ANTXR2: variants seen among roughly 807,000 people sequenced by gnomAD.
ANTXR2 encodes ANTXR cell adhesion molecule 2, also known as anthrax toxin receptor 2.
A neutral mutation model predicts 73.7 loss-of-function variants in ANTXR2; 44 were observed. The ratio of observed to expected loss-of-function variants is 0.60; its 90% CI spans 0.47 to 0.77. ANTXR2 has a LOEUF of 0.77. Among genes scored for constraint, ANTXR2 ranks in the 30% least tolerant of loss-of-function variants. The probability of loss-of-function intolerance (pLI) is 0.00; values close to 1 mark genes in which losing one functional copy is unlikely to be tolerated. For missense variants in ANTXR2, 604 were observed against 592.5 expected, an observed-to-expected ratio of 1.02 and a Z score of -0.20; for synonymous variants, 217 against 205.9, an observed-to-expected ratio of 1.05 and a Z score of -0.46.
chr4:80,058,082 G>A (rs1023586084), intron 3 of ANTXR2, among the ~76,000 whole-genome samples: 3 of 152,040 alleles, frequency 2.0e-5, no homozygotes, highest in African/African-American at 7.2e-5. Context: ...GAGCATTAGT[G>A]TTTGCTGCCA....
At chr4:79,922,613 T>G (rs1727633302) in intron 16 of ANTXR2, among the ~76,000 whole-genome samples, 1 of 152,088 alleles carries the variant, frequency 6.6e-6, no homozygotes, top group Non-Finnish European at 1.5e-5. Flanking sequence ...AAAACTAATA[T>G]GTATTAAGTT....
rs1726871979 is a variant in ANTXR2 at position 79,905,630 on chromosome 4, G to A, written c.*1799C>T. The A allele has an allele frequency of 6.6e-6, 1 of 152,176 alleles. No individual in the cohort carries two copies. Among genetic ancestry groups the A allele is most frequent in the East Asian group, 1.9e-4 (1 of 5,196 alleles). The allele number at this position is 152,176 out of a possible 1,614,324, so 9.4% of individuals were successfully genotyped here. On this transcript the variant is annotated 3_prime_UTR_variant, in exon 17 of 17. Transcript: ENST00000403729. Reference sequence around the variant, plus strand: ...ACATGACTTTGGATCCAGCCAGCCAGTGACATAAATAAACTTGAGCAAAAG... The same window carrying A: ...ACATGACTTTGGATCCAGCCAGCCAATGACATAAATAAACTTGAGCAAAAG...
At chr4:80,035,553 C>A (rs528030110) in intron 8 of ANTXR2, among the ~76,000 whole-genome samples, 1 of 152,114 alleles carries the variant, frequency 6.6e-6, no homozygotes, top group Non-Finnish European at 1.5e-5. Flanking sequence ...TCCTGCAATC[C>A]GTCCATAAGT....
chr4:80,012,030 C>T (rs1731609425), intron 11 of ANTXR2, among the ~76,000 whole-genome samples: 1 of 152,212 alleles, frequency 6.6e-6, no homozygotes, highest in Non-Finnish European at 1.5e-5. Context: ...GCCCTTGCAA[C>T]ATAACTATGG....
chr4:80,007,137 T>C (rs1731340891), intron 12 of ANTXR2, among the ~76,000 whole-genome samples: 1 of 152,124 alleles, frequency 6.6e-6, no homozygotes, highest in South Asian at 2.1e-4. Flanking sequence ...AGATAAAGGA[T>C]TGTCAAGTTG....
At chr4:80,034,565 T>C (rs1448993445) in intron 8 of ANTXR2, among the ~76,000 whole-genome samples, 2 of 152,140 alleles carry the variant, frequency 1.3e-5, no homozygotes, top group African/African-American at 4.8e-5. Context: ...CTGTGGAAAG[T>C]CCCTAGTTAT....
rs376862135 is a variant in ANTXR2 at position 80,033,435 on chromosome 4, A to G, written c.796+37T>C. 1.6e-5 allele frequency: 24 copies of G among 1,476,100 alleles called. No individual in the cohort carries two copies. The South Asian group carries it at 2.5e-4, about 16-fold the overall frequency. 91.4% of individuals were successfully genotyped at this position (1,476,100 alleles called of 1,614,324 possible). On this transcript the variant is annotated intron_variant, in intron 9 of 16. Coordinates refer to ENST00000403729, the MANE Select transcript of ANTXR2 (RefSeq NM_058172.6). ...AACATTTGATGCTGATGTGCTTTGC[A>G]GAGATTAAGACAACACTGAGATTAC...
At chr4:80,021,257 A>G (rs1018845923) in intron 10 of ANTXR2, among the ~76,000 whole-genome samples, 9 of 152,132 alleles carry the variant, frequency 5.9e-5, no homozygotes, top group Admixed American at 3.9e-4. Flanking sequence ...TCCAACACAG[A>G]AGGCCAAGTG....
intron 10 of ANTXR2, among the ~76,000 whole-genome samples, chr4:80,025,996 C>T (rs1732417890): frequency 6.6e-6 from 1 of 152,084 alleles, no homozygotes; most frequent in Admixed American, 6.6e-5. Flanking sequence ...TTTTTAATAA[C>T]ATTCTAAAAA....
At chr4:79,977,832 G>A in intron 15 of ANTXR2, 131 bp from the exon 16 acceptor site, 2 of 1,238,348 alleles carry the variant, frequency 1.6e-6, no homozygotes, top group South Asian at 1.5e-5. Flanking sequence ...AAACTAATAA[G>A]TAATAAAAAC....
chr4:79,986,383 C>T (rs1328663193), intron 12 of ANTXR2, among the ~76,000 whole-genome samples: 1 of 152,006 alleles, frequency 6.6e-6, no homozygotes, highest in Non-Finnish European at 1.5e-5. Flanking sequence ...CCACTTTTAC[C>T]TCATCAAAGA....
At chr4:79,931,841 TAA>T (rs1728070392) in intron 16 of ANTXR2, among the ~76,000 whole-genome samples, 1 of 152,250 alleles carries the variant, frequency 6.6e-6, no homozygotes, top group Non-Finnish European at 1.5e-5. Context: ...GTGGATAATT[TAA>T]TTTGTGCAAC....
chr4:79,929,387 C>T (rs972461785), intron 16 of ANTXR2, among the ~76,000 whole-genome samples: 2 of 151,972 alleles, frequency 1.3e-5, no homozygotes, highest in Non-Finnish European at 2.9e-5. Flanking sequence ...GTGGCAGATG[C>T]CTGTAATCCC....
chr4:79,919,865 TTATATATATA>T (rs869257072), intron 16 of ANTXR2, among the ~76,000 whole-genome samples: 259 of 17,576 alleles, frequency 0.015, no homozygotes, highest in Non-Finnish European at 0.018. Flanking sequence ...AATACATATT[TTATATATATA>T]TATATATATA....
At chr4:79,912,563 C>T (rs1232473256) in intron 16 of ANTXR2, among the ~76,000 whole-genome samples, 2 of 151,982 alleles carry the variant, frequency 1.3e-5, no homozygotes, top group Non-Finnish European at 2.9e-5. Flanking sequence ...GAAAAGAACT[C>T]TTGTGCATTG....
chr4:79,906,137 A>C lies in ANTXR2; in HGVS notation c.*1292T>G, dbSNP rs1726897153. ...CGGTGTTTCTGCTCACGCTAACATA[A>C]TTTGGCATCGTCGACGTGACACGAT... On this transcript the variant is annotated 3_prime_UTR_variant, in exon 17 of 17. Coordinates refer to ENST00000403729, the MANE Select transcript of ANTXR2 (RefSeq NM_058172.6). The C allele has an allele frequency of 6.6e-6, 1 of 152,554 alleles. No individual in the cohort carries two copies. 9.5% of individuals were successfully genotyped at this position (152,554 alleles called of 1,614,324 possible).
At chr4:80,023,647 C>A (rs773377878) in intron 10 of ANTXR2, among the ~76,000 whole-genome samples, 10 of 152,004 alleles carry the variant, frequency 6.6e-5, no homozygotes, top group Non-Finnish European at 1.2e-4. Context: ...TGCAGGAAGT[C>A]GACTACAGGA....
At chr4:80,002,269 A>AACCG (rs1222092084) in intron 12 of ANTXR2, among the ~76,000 whole-genome samples, 31 of 152,324 alleles carry the variant, frequency 2.0e-4, no homozygotes. Context: ...ATCTACAACT[A>AACCG]ACCGATCTTT....
chr4:79,912,855 A>C (rs1452756619), intron 16 of ANTXR2, among the ~76,000 whole-genome samples: 1 of 152,150 alleles, frequency 6.6e-6, no homozygotes, highest in African/African-American at 2.4e-5. Context: ...AAACTTTCTA[A>C]AGATGAAAAA....
Sources: gnomAD v4.1 joint callset for allele counts (sites outside exome capture counted in the v4.1 genomes callset) on GRCh38, gnomAD v4.1.1 for gene constraint, MANE v1.5 for transcripts, NCBI Gene and HGNC (gene_info 2026-07-23, HGNC 2026-07-21) for gene names.